The following NPAS3 variants were observed in gnomAD, a reference collection of about 807,000 sequenced individuals.
NPAS3 encodes the protein neuronal PAS domain protein 3, also known as neuronal PAS domain-containing protein 3.
NPAS3 carries 14 observed loss-of-function variants against 73.1 expected under a neutral mutation model. That is an observed-to-expected ratio of 0.19 (90% CI 0.13 to 0.30). NPAS3 has a LOEUF of 0.30. Ranked by LOEUF, NPAS3 falls within the 10% of genes least tolerant of loss-of-function variation. The probability of loss-of-function intolerance (pLI) is 1.00; values close to 1 mark genes in which losing one functional copy is unlikely to be tolerated. For missense variants in NPAS3, 1,096 were observed against 1,250.0 expected (o/e 0.88, Z 1.86); for synonymous variants, 620 against 541.5 (o/e 1.14, Z -2.01).
chr14:33,763,851 T>C (rs952062481), intron 7 of NPAS3, among the ~76,000 whole-genome samples: 1 of 152,024 alleles, frequency 6.6e-6, no homozygotes, highest in African/African-American at 2.4e-5. Context: ...ATTGGTTTTT[T>C]TTTTTTCCAA....
chr14:33,643,415 A>G (rs1186019411), intron 5 of NPAS3, among the ~76,000 whole-genome samples: 1 of 151,080 alleles, frequency 6.6e-6, no homozygotes, highest in African/African-American at 2.4e-5. Flanking sequence ...AGATGGAGCA[A>G]GAGGGCAAGA....
rs548747223 is a variant in NPAS3 at position 33,668,387 on chromosome 14, C to G, written c.559-7824C>G. Among the ~76,000 whole-genome samples the G allele has an allele frequency of 3.3e-5, 5 of 152,258 alleles. No homozygotes were observed. In the East Asian group the frequency reaches 9.6e-4, roughly 29 times the overall value. On this transcript the variant is annotated intron_variant, in intron 5 of 11. Coordinates refer to ENST00000356141, the Ensembl canonical transcript of NPAS3. Reference sequence around the variant, plus strand: ...TGTTATATGGGTGCATTAAGCATATCTAAGGTTTTAGTCATATAAACCACA... The same window carrying G: ...TGTTATATGGGTGCATTAAGCATATGTAAGGTTTTAGTCATATAAACCACA...
intron 5 of NPAS3, among the ~76,000 whole-genome samples, chr14:33,670,724 G>C (rs1312992304): frequency 6.6e-6 from 1 of 151,618 alleles, no homozygotes; most frequent in Non-Finnish European, 1.5e-5. Flanking sequence ...AGGGTCTCTT[G>C]CTAGATCTGA....
At chr14:33,214,870 G>A (rs12589858) in intron 2 of NPAS3, 66,168 of 293,868 alleles carry the variant, frequency 0.23, 8,375 homozygotes, top group South Asian at 0.39. Context: ...ATCAAGCTAC[G>A]CCTGTAAACC....
intron 2 of NPAS3, chr14:33,214,654 G>A (rs1346358061): frequency 6.5e-6 from 1 of 153,022 alleles, no homozygotes; most frequent in Non-Finnish European, 1.5e-5. Context: ...TTTATTGAGG[G>A]CTGGAAACAT....
chr14:33,022,102 C>G (rs190300143), intron 1 of NPAS3, among the ~76,000 whole-genome samples: 1 of 152,168 alleles, frequency 6.6e-6, no homozygotes, highest in African/African-American at 2.4e-5. Context: ...CTCCTGCTCA[C>G]CTACTGCATG....
intron 4 of NPAS3, among the ~76,000 whole-genome samples, chr14:33,541,632 A>G (rs1485117812): frequency 6.6e-6 from 1 of 152,144 alleles, no homozygotes; most frequent in Non-Finnish European, 1.5e-5. Flanking sequence ...CTAAAATGGG[A>G]AGAGTGTGAA....
intron 5 of NPAS3, among the ~76,000 whole-genome samples, chr14:33,658,431 TTTCACATA>T (rs1280004258): frequency 6.6e-6 from 1 of 152,236 alleles, no homozygotes; most frequent in Non-Finnish European, 1.5e-5. Flanking sequence ...TGAAAACTGA[TTTCACATA>T]TCCCCCGAGG....
At chr14:33,740,855 C>T (rs564437308) in intron 7 of NPAS3, among the ~76,000 whole-genome samples, 52 of 152,096 alleles carry the variant, frequency 3.4e-4, no homozygotes, top group Admixed American at 1.4e-3. Context: ...ATAAACATTT[C>T]GGGCCTCTCT....
At chr14:33,301,510 G>T (rs571000692) in intron 3 of NPAS3, among the ~76,000 whole-genome samples, 8 of 151,692 alleles carry the variant, frequency 5.3e-5, no homozygotes, top group Non-Finnish European at 1.2e-4. Context: ...AGTCTTGTGA[G>T]CTTCTTTTCA....
intron 5 of NPAS3, among the ~76,000 whole-genome samples, chr14:33,659,400 A>T (rs2059242915): frequency 6.6e-6 from 1 of 152,142 alleles, no homozygotes. Flanking sequence ...GCGTTAGAAA[A>T]TCTCCCAGGA....
chr14:33,198,442 G>T (rs551625920), intron 2 of NPAS3, among the ~76,000 whole-genome samples: 1 of 152,258 alleles, frequency 6.6e-6, no homozygotes, highest in South Asian at 2.1e-4. Context: ...AGTGCTGATT[G>T]GTGCATTTAC....
intron 7 of NPAS3, among the ~76,000 whole-genome samples, chr14:33,743,421 T>C (rs538373204): frequency 6.6e-6 from 1 of 152,302 alleles, no homozygotes; most frequent in East Asian, 1.9e-4. Flanking sequence ...ACAGTAGGTC[T>C]CAACAGTGGG....
chr14:33,317,289 A>G (rs568223159), intron 3 of NPAS3, among the ~76,000 whole-genome samples: 3 of 152,218 alleles, frequency 2.0e-5, no homozygotes, highest in Admixed American at 6.5e-5. Flanking sequence ...ATTAGGCACT[A>G]TACTGAGTGC....
chr14:33,733,155 G>A (rs974698313), intron 6 of NPAS3, among the ~76,000 whole-genome samples: 2 of 152,110 alleles, frequency 1.3e-5, no homozygotes, highest in African/African-American at 4.8e-5. Context: ...TTTGTGGTGT[G>A]GTTCTGATGG....
intron 3 of NPAS3, among the ~76,000 whole-genome samples, chr14:33,338,874 AT>A: frequency 6.6e-6 from 1 of 152,298 alleles, no homozygotes; most frequent in Non-Finnish European, 1.5e-5. Flanking sequence ...AATAGGCAAA[AT>A]TTAGGAATTT....
At chr14:33,274,751 T>G (rs550094916) in intron 3 of NPAS3, among the ~76,000 whole-genome samples, 1 of 152,308 alleles carries the variant, frequency 6.6e-6, no homozygotes, top group African/African-American at 2.4e-5. Context: ...GTTTAGAGTT[T>G]AGGCAGGCTC....
intron 6 of NPAS3, among the ~76,000 whole-genome samples, chr14:33,676,811 C>T (rs541115797): frequency 6.6e-6 from 1 of 151,850 alleles, no homozygotes; most frequent in African/African-American, 2.4e-5. Flanking sequence ...ATCTTGGTTT[C>T]TTTATTTTTT....
intron 4 of NPAS3, among the ~76,000 whole-genome samples, chr14:33,430,433 G>A (rs555730237): frequency 5.3e-4 from 81 of 152,204 alleles, no homozygotes; most frequent in South Asian, 2.5e-3. Context: ...TGTGGTCCTC[G>A]TCTAGGATTT....
Sources: allele counts gnomAD v4.1 joint callset (sites outside exome capture counted in the v4.1 genomes callset), GRCh38; gene constraint gnomAD v4.1.1; transcripts MANE v1.5; gene names NCBI Gene and HGNC (gene_info 2026-07-23, HGNC 2026-07-21).